Variants in FAM13A observed in about 807,000 individuals in gnomAD.
FAM13A encodes the protein protein FAM13A.
In FAM13A, 76 loss-of-function variants were observed where a neutral mutation model predicts 129.6. The observed-to-expected ratio is 0.59, with a 90% CI of 0.49 to 0.71. The LOEUF is 0.71. Ranked by LOEUF, FAM13A falls within the 30% of genes least tolerant of loss-of-function variation. FAM13A has a pLI of 0.00. For missense variants in FAM13A, 1,108 were observed against 1,249.3 expected, an observed-to-expected ratio of 0.89 and a Z score of 1.70; for synonymous variants, 443 against 449.9, an observed-to-expected ratio of 0.98 and a Z score of 0.20.
At chr4:89,013,281 T>TAA (rs1378363273) in intron 3 of FAM13A, among the ~76,000 whole-genome samples, 4 of 149,614 alleles carry the variant, frequency 2.7e-5, no homozygotes, top group Non-Finnish European at 5.9e-5. Context: ...TATATATATA[T>TAA]AACACAGTAT....
intron 4 of FAM13A, among the ~76,000 whole-genome samples, chr4:88,984,771 T>C (rs1043465603): frequency 1.3e-5 from 2 of 152,202 alleles, no homozygotes; most frequent in Non-Finnish European, 2.9e-5. Context: ...ATTTATTTTA[T>C]ATTAGTCTCT....
At chr4:89,053,531 T>G (rs950009231) in intron 1 of FAM13A, among the ~76,000 whole-genome samples, 1 of 152,134 alleles carries the variant, frequency 6.6e-6, no homozygotes, top group Admixed American at 6.6e-5. Flanking sequence ...CGTTCCTGCT[T>G]GCGCTATGGG....
At chr4:88,965,479 T>G (rs767814534) in intron 4 of FAM13A, among the ~76,000 whole-genome samples, 9 of 152,082 alleles carry the variant, frequency 5.9e-5, no homozygotes, top group Non-Finnish European at 1.0e-4. Context: ...AATGTTCAAA[T>G]CACAAATTTT....
chr4:89,009,571 A>G (rs1765476774), intron 3 of FAM13A, among the ~76,000 whole-genome samples: 2 of 152,224 alleles, frequency 1.3e-5, no homozygotes, highest in Admixed American at 6.5e-5. Context: ...AATTCCCAAG[A>G]AGGCAATTTT....
intron 3 of FAM13A, among the ~76,000 whole-genome samples, chr4:89,008,570 T>C (rs770713443): frequency 3.5e-4 from 53 of 152,310 alleles, no homozygotes; most frequent in Non-Finnish European, 5.6e-4. Flanking sequence ...AGCTGATTAA[T>C]ACAAGCAGTA....
chr4:89,056,898 T>C, intron 1 of FAM13A, 40 bp downstream of exon 1: 1 of 1,592,896 alleles, frequency 6.3e-7, no homozygotes, highest in Non-Finnish European at 8.6e-7. Context: ...TCCTAAAAAC[T>C]GGCAGTAAAC....
intron 2 of FAM13A, among the ~76,000 whole-genome samples, chr4:89,027,249 C>CT (rs1768085403): frequency 6.6e-6 from 1 of 152,188 alleles, no homozygotes; most frequent in African/African-American, 2.4e-5. Flanking sequence ...TGGCTCACAT[C>CT]TATAATCGAA....
chr4:88,884,167 G>T (rs1175952978), intron 6 of FAM13A, among the ~76,000 whole-genome samples: 1 of 151,702 alleles, frequency 6.6e-6, no homozygotes, highest in African/African-American at 2.4e-5. Flanking sequence ...TATGAAGCCA[G>T]TATCACCCTA....
At chr4:88,814,447 G>A (rs1399739512) in intron 7 of FAM13A, among the ~76,000 whole-genome samples, 2 of 152,220 alleles carry the variant, frequency 1.3e-5, no homozygotes, top group East Asian at 3.9e-4. Flanking sequence ...TTAATAACTC[G>A]GCAGGTGTGG....
At chr4:88,789,531 GA>G (rs1441257355) in intron 9 of FAM13A, among the ~76,000 whole-genome samples, 2 of 152,082 alleles carry the variant, frequency 1.3e-5, no homozygotes, top group Non-Finnish European at 2.9e-5. Flanking sequence ...AGGTGTAATG[GA>G]AACATATGTG....
intron 5 of FAM13A, chr4:88,936,938 G>C (rs1204766936): frequency 2.0e-5 from 3 of 152,032 alleles, no homozygotes; most frequent in Admixed American, 6.6e-5. Flanking sequence ...AAGTACCATA[G>C]GCACTAGAGG....
At chr4:88,853,609 C>G (rs1659431617) in intron 6 of FAM13A, among the ~76,000 whole-genome samples, 1 of 152,186 alleles carries the variant, frequency 6.6e-6, no homozygotes, top group South Asian at 2.1e-4. Flanking sequence ...AGCACAAGGA[C>G]AGTTGTTTGA....
intron 4 of FAM13A, among the ~76,000 whole-genome samples, chr4:88,968,567 C>G (rs182640716): frequency 2.3e-4 from 35 of 152,214 alleles, no homozygotes; most frequent in Middle Eastern, 6.8e-3. Flanking sequence ...GCCCTATATG[C>G]CCCAGAGGAT....
rs1189858504 is a variant in FAM13A at position 89,035,624 on chromosome 4, TGTTAGAGG to T, written c.28-5983_28-5976del. Reference sequence around the variant, plus strand: ...TCTCATGTGGAATTGTAATCTCCAATGTTAGAGGAAGGGCTGGGTGGGAGGTGATTGGA... The same window carrying T: ...TCTCATGTGGAATTGTAATCTCCAATAAGGGCTGGGTGGGAGGTGATTGGA... On this transcript the variant is annotated intron_variant, in intron 1 of 23. Transcript: ENST00000264344. Among the ~76,000 whole-genome samples the T allele has an allele frequency of 3.5e-4, 53 of 152,288 alleles. 1 individual carries two copies. The highest frequency in any genetic ancestry group is 6.8e-3 in the Middle Eastern group (2 of 294).
At chr4:88,925,788 A>G (rs1752045490) in intron 5 of FAM13A, among the ~76,000 whole-genome samples, 4 of 152,184 alleles carry the variant, frequency 2.6e-5, no homozygotes, top group African/African-American at 7.2e-5. Context: ...AAAATTTACA[A>G]TGCAACGTGA....
intron 4 of FAM13A, among the ~76,000 whole-genome samples, chr4:88,944,634 G>A (rs1316191818): frequency 6.6e-6 from 1 of 152,178 alleles, no homozygotes; most frequent in Non-Finnish European, 1.5e-5. Flanking sequence ...GGGCATGGTG[G>A]CTCACGCCTG....
In FAM13A at chr4:88,737,338, T is replaced by C; in HGVS notation, c.2646+134A>G. Reference sequence around the variant, plus strand: ...TTCAAAGTTGGTTATATGTAGCTACTGATTTTTAGGGAATGCTGTAAGAAG... The same window carrying C: ...TTCAAAGTTGGTTATATGTAGCTACCGATTTTTAGGGAATGCTGTAAGAAG... On this transcript the variant is annotated intron_variant, in intron 21 of 23. Coordinates refer to ENST00000264344, the MANE Select transcript of FAM13A (RefSeq NM_014883.4). 4 of 721,622 alleles carry C rather than the reference T, an allele frequency of 5.5e-6. No individual in the cohort carries two copies. In the East Asian group the frequency reaches 7.7e-5, roughly 14 times the overall value. 44.7% of individuals were successfully genotyped at this position (721,622 alleles called of 1,614,324 possible). A position where few individuals can be genotyped will look rare whatever the true frequency, so the allele number is the denominator to read the frequency against.
At chr4:88,783,994 A>T (rs1248462825) in intron 10 of FAM13A, among the ~76,000 whole-genome samples, 1 of 152,120 alleles carries the variant, frequency 6.6e-6, no homozygotes, top group Non-Finnish European at 1.5e-5. Context: ...ATGGCAGCCC[A>T]AGCAGACTAA....
intron 4 of FAM13A, among the ~76,000 whole-genome samples, chr4:88,975,500 G>A (rs1024060966): frequency 6.6e-6 from 1 of 151,948 alleles, no homozygotes; most frequent in African/African-American, 2.4e-5. Flanking sequence ...GAGTTTAAAG[G>A]GTCAATAGCC....
Sources: allele counts gnomAD v4.1 joint callset (sites outside exome capture counted in the v4.1 genomes callset), GRCh38; gene constraint gnomAD v4.1.1; transcripts MANE v1.5; gene names NCBI Gene and HGNC (gene_info 2026-07-23, HGNC 2026-07-21).